Variants in SLC24A2 observed in about 807,000 individuals in gnomAD.
SLC24A2 encodes the protein solute carrier family 24 member 2.
Under a neutral mutation model 62.0 loss-of-function variants are expected in SLC24A2, and 36 were observed. The ratio of observed to expected loss-of-function variants is 0.58; its 90% CI spans 0.44 to 0.77. SLC24A2 has a LOEUF of 0.77. Among genes scored for constraint, SLC24A2 ranks in the 30% least tolerant of loss-of-function variants. The probability of loss-of-function intolerance (pLI) is 0.00; values close to 1 mark genes in which losing one functional copy is unlikely to be tolerated. For synonymous variants in SLC24A2, 358 were observed against 294.0 expected (o/e 1.22, Z -2.23); for missense variants, 846 against 817.9 (o/e 1.03, Z -0.42).
the SLC24A2 span, chr9:19,927,777 A>T: frequency 6.6e-6 from 1 of 152,164 alleles, no homozygotes; most frequent in Non-Finnish European, 1.5e-5. Flanking sequence ...TGTCCCCGTG[A>T]GTTTTCAGGT....
the SLC24A2 span, among the ~76,000 whole-genome samples, chr9:20,300,153 T>A: frequency 6.6e-6 from 1 of 152,226 alleles, no homozygotes; most frequent in Non-Finnish European, 1.5e-5. Flanking sequence ...TAGGTATATA[T>A]GTATTTATGG....
the SLC24A2 span, among the ~76,000 whole-genome samples, chr9:19,995,716 C>T: frequency 6.6e-6 from 1 of 152,218 alleles, no homozygotes; most frequent in East Asian, 1.9e-4. Context: ...GAGCAGTTAG[C>T]TAGTTAGTTC....
intron 2 of SLC24A2, among the ~76,000 whole-genome samples, chr9:19,626,012 T>G (rs1818025848): frequency 1.3e-5 from 2 of 152,102 alleles, no homozygotes; most frequent in Admixed American, 1.3e-4. Context: ...TTATAGGAAT[T>G]TTGCTACTTA....
chr9:20,256,340 G>A, the SLC24A2 span, among the ~76,000 whole-genome samples: 3 of 152,142 alleles, frequency 2.0e-5, no homozygotes, highest in South Asian at 2.1e-4. Flanking sequence ...AACCAGCTCT[G>A]CTCTGATGTG....
chr9:19,591,313 T>G (rs1231547178), intron 5 of SLC24A2, among the ~76,000 whole-genome samples: 3 of 152,226 alleles, frequency 2.0e-5, no homozygotes, highest in African/African-American at 7.2e-5. Flanking sequence ...TATAGCTTGC[T>G]CTATTCTCAG....
At chr9:19,830,443 G>C in the SLC24A2 span, among the ~76,000 whole-genome samples, 1 of 152,168 alleles carries the variant, frequency 6.6e-6, no homozygotes, top group African/African-American at 2.4e-5. Flanking sequence ...ATAAGAATTA[G>C]TAGTAGCTAC....
chr9:20,129,983 G>A, the SLC24A2 span, among the ~76,000 whole-genome samples: 1 of 132,288 alleles, frequency 7.6e-6, no homozygotes, highest in East Asian at 2.1e-4. Context: ...AGATTTCCTA[G>A]AAGGTAGTTT....
the SLC24A2 span, among the ~76,000 whole-genome samples, chr9:19,798,822 A>G: frequency 2.4e-4 from 36 of 152,304 alleles, no homozygotes; most frequent in Admixed American, 9.1e-4. Flanking sequence ...ACCTCTCTCT[A>G]CTTTTTCTCA....
chr9:19,963,060 G>A, the SLC24A2 span, among the ~76,000 whole-genome samples: 30 of 152,124 alleles, frequency 2.0e-4, no homozygotes, highest in African/African-American at 5.8e-4. Flanking sequence ...CAGAAATAAC[G>A]CCGCATATCT....
the SLC24A2 span, among the ~76,000 whole-genome samples, chr9:20,294,871 C>T: frequency 1.3e-5 from 2 of 152,060 alleles, no homozygotes; most frequent in South Asian, 2.1e-4. Context: ...CTGAGCTCTT[C>T]CTTTCCCAAA....
chr9:19,682,866 A>G (rs1819762685), intron 2 of SLC24A2, among the ~76,000 whole-genome samples: 1 of 152,154 alleles, frequency 6.6e-6, no homozygotes, highest in African/African-American at 2.4e-5. Context: ...AAAAGTCATG[A>G]CTTACATCCA....
chr9:19,786,794 T>G lies in SLC24A2; in HGVS notation c.73A>C (p.Arg25=), dbSNP rs745882890. 1.9e-6 allele frequency: 3 copies of G among 1,609,230 alleles called. No homozygotes were observed. The highest frequency in any genetic ancestry group is 2.5e-6 in the Non-Finnish European group (3 of 1,178,458). Residue 25 remains arginine, a synonymous_variant, in exon 2 of 11, where the codon AGA becomes CGA. Coordinates refer to ENST00000341998, the MANE Select transcript of SLC24A2 (RefSeq NM_020344.4). This position sits in a 1 kb window ranked among gnomAD's most constrained non-coding sequence, Gnocchi z 5.0. ...TTTTTCTTGACACTATAATGTCTTC[T>G]GCAGCCAGACAGTGACTCATCCAAA... ...WCLDESLSGC[R]RHYSVKKKLK... is the part of the protein sequence containing the mutation.
chr9:20,295,302 G>C, the SLC24A2 span, among the ~76,000 whole-genome samples: 1 of 152,142 alleles, frequency 6.6e-6, no homozygotes, highest in East Asian at 1.9e-4. Flanking sequence ...ATTTTCAGTT[G>C]TACACAGAGC....
chr9:20,303,641 G>C, the SLC24A2 span, among the ~76,000 whole-genome samples: 5 of 152,148 alleles, frequency 3.3e-5, no homozygotes, highest in South Asian at 8.3e-4. Context: ...CTTGAAGATC[G>C]TCCAACCCTT....
At chr9:19,903,091 A>C in the SLC24A2 span, among the ~76,000 whole-genome samples, 10 of 151,562 alleles carry the variant, frequency 6.6e-5, no homozygotes, top group African/African-American at 2.4e-4. Flanking sequence ...TCCCATTATC[A>C]GATCGAGTGC....
At chr9:19,526,467 G>C (rs1036678659) in intron 9 of SLC24A2, among the ~76,000 whole-genome samples, 1 of 152,164 alleles carries the variant, frequency 6.6e-6, no homozygotes, top group African/African-American at 2.4e-5. Flanking sequence ...ATTCCTATCA[G>C]CAGTATGTAA....
chr9:19,591,942 A>G (rs1836565075), intron 5 of SLC24A2, among the ~76,000 whole-genome samples: 1 of 152,256 alleles, frequency 6.6e-6, no homozygotes, highest in Non-Finnish European at 1.5e-5. Context: ...TGAAGGTCAC[A>G]GATAACAAGA....
At chr9:19,648,593 A>G (rs1025583749) in intron 2 of SLC24A2, among the ~76,000 whole-genome samples, 8 of 152,228 alleles carry the variant, frequency 5.3e-5, no homozygotes, top group African/African-American at 1.9e-4. Context: ...GTAGAAAGAA[A>G]GCCCAGAATA....
chr9:19,905,575 G>A, the SLC24A2 span, among the ~76,000 whole-genome samples: 106 of 151,796 alleles, frequency 7.0e-4, 1 homozygote, highest in East Asian at 0.012. Context: ...TACCACACCC[G>A]GCTAATTTTG....
Sources: allele counts gnomAD v4.1 joint callset (sites outside exome capture counted in the v4.1 genomes callset), GRCh38; gene constraint gnomAD v4.1.1; non-coding constraint Gnocchi (gnomAD v3.1); transcripts MANE v1.5; gene names NCBI Gene and HGNC (gene_info 2026-07-23, HGNC 2026-07-21).